LCA5L: variants seen among roughly 807,000 people sequenced by gnomAD.
LCA5L encodes lebercilin LCA5 like.
Under a neutral mutation model 45.4 loss-of-function variants are expected in LCA5L, and 35 were observed. That is an observed-to-expected ratio of 0.77 (90% CI 0.59 to 1.02). The LOEUF is 1.02. Among genes scored for constraint, LCA5L ranks in the 50% least tolerant of loss-of-function variants. LCA5L has a pLI of 0.00. For synonymous variants in LCA5L, 233 were observed against 264.7 expected, an observed-to-expected ratio of 0.88 and a Z score of 1.16; for missense variants, 668 against 761.6, an observed-to-expected ratio of 0.88 and a Z score of 1.45.
At chr21:39,429,666 C>T (rs1376603008) in intron 3 of LCA5L, among the ~76,000 whole-genome samples, 1 of 152,182 alleles carries the variant, frequency 6.6e-6, no homozygotes, top group Non-Finnish European at 1.5e-5. Context: ...CAGACACATT[C>T]TGCTGTGTAG....
chr21:39,440,807 G>T (rs1263207236), intron 2 of LCA5L, among the ~76,000 whole-genome samples: 1 of 152,040 alleles, frequency 6.6e-6, no homozygotes, highest in African/African-American at 2.4e-5. Context: ...CCAAGTTCAG[G>T]GTCTTCCTAT....
chr21:39,420,969 T>C, intron 6 of LCA5L, 126 bp from the exon 7 acceptor site: 1 of 637,848 alleles, frequency 1.6e-6, no homozygotes, highest in East Asian at 2.7e-5. Context: ...GAATGACTTA[T>C]ACAGGGGACA....
chr21:39,424,011 G>A (rs1055982812), intron 5 of LCA5L, among the ~76,000 whole-genome samples: 7 of 151,964 alleles, frequency 4.6e-5, no homozygotes, highest in Admixed American at 3.3e-4. Context: ...TTTTTTAAAT[G>A]TTTATTTTTA....
At chr21:39,406,803 T>G (rs1270989377) in intron 10 of LCA5L, 191 bp from the exon 11 acceptor site, 11 of 494,442 alleles carry the variant, frequency 2.2e-5, no homozygotes, top group African/African-American at 2.2e-4. Flanking sequence ...TGTTACAGTT[T>G]CTTGGAACTT....
At chr21:39,442,257 G>A (rs1293917732) in intron 2 of LCA5L, among the ~76,000 whole-genome samples, 1 of 152,208 alleles carries the variant, frequency 6.6e-6, no homozygotes, top group African/African-American at 2.4e-5. Flanking sequence ...GGTGGGTGGA[G>A]GAGGCCCATG....
intron 3 of LCA5L, among the ~76,000 whole-genome samples, chr21:39,433,053 T>C (rs1480929338): frequency 6.6e-6 from 1 of 152,216 alleles, no homozygotes; most frequent in Admixed American, 6.5e-5. Flanking sequence ...GATTTTTCAT[T>C]CTCTTAAAAA....
intron 7 of LCA5L, among the ~76,000 whole-genome samples, chr21:39,414,492 G>A (rs2040686319): frequency 6.6e-6 from 1 of 152,148 alleles, no homozygotes; most frequent in South Asian, 2.1e-4. Flanking sequence ...CTCAAACTAT[G>A]ACTTTCGTTA....
intron 3 of LCA5L, among the ~76,000 whole-genome samples, chr21:39,431,522 ATTTAT>A (rs1262901837): frequency 6.6e-6 from 1 of 151,520 alleles, no homozygotes; most frequent in Non-Finnish European, 1.5e-5. Flanking sequence ...TACCAATTTT[ATTTAT>A]TTTATTTTTG....
rs768395825 is a variant in LCA5L at position 39,411,767 on chromosome 21, A to G, written c.1011T>C (p.Tyr337=). The change falls in exon 8 of 11, where the codon TAT becomes TAC. Residue 337 remains tyrosine (Y), a synonymous_variant. Transcript: ENST00000288350. The stretch of plus-strand genomic sequence containing the variant: ...GTAAATTTTTAAGTATTCGATGACT[A>G]TAGATGTTTTTAATTTCAAGCTCAC... The part of the protein sequence containing the change: ...KDRELEIKNI[Y]SHRILKNLHD... The G allele has an allele frequency of 4.4e-6, 7 of 1,590,636 alleles. No individual in the cohort carries two copies. Among genetic ancestry groups the G allele is most frequent in the South Asian group, 1.1e-5 (1 of 86,960 alleles).
chr21:39,420,738 C>T lies in LCA5L; in HGVS notation c.943G>A (p.Val315Met), dbSNP rs760290686. The change falls in exon 7 of 11, where the codon GTG becomes ATG. Residue 315 changes from valine to methionine, a missense_variant. Coordinates refer to ENST00000288350, the MANE Select transcript of LCA5L (RefSeq NM_152505.4). ...AAQTATKTLQVEVKHLQQKLK... is the reference protein window; with the variant it reads ...AAQTATKTLQMEVKHLQQKLK... Reference sequence around the variant, plus strand: ...TTTTGTTGAAGGTGTTTTACTTCCACCTGCAGAGTCTTGGTAGCTGTCTGA... The same window carrying T: ...TTTTGTTGAAGGTGTTTTACTTCCATCTGCAGAGTCTTGGTAGCTGTCTGA... 9 of 1,613,152 alleles carry T rather than the reference C, an allele frequency of 5.6e-6. No homozygotes were observed. The South Asian group carries it at 7.7e-5, about 14-fold the overall frequency.
chr21:39,417,182 A>AG lies in LCA5L; in HGVS notation c.975+3523_975+3524insC, dbSNP rs1369096903. The stretch of plus-strand genomic sequence containing the variant: ...TGAGTAGCTGGGATTACAGGCGCGC[A>AG]CCACCACACCTGGCTAATTTTTTTA... On this transcript the variant is annotated intron_variant, in intron 7 of 10. Transcript: ENST00000288350. Among the ~76,000 whole-genome samples, 49 of 152,072 alleles carry AG rather than the reference A, an allele frequency of 3.2e-4. 1 individual carries two copies. Among genetic ancestry groups the AG allele is most frequent in the Admixed American group, 2.6e-3 (40 of 15,272 alleles).
In LCA5L at chr21:39,406,332, T is replaced by C; in HGVS notation, c.1563A>G (p.Arg521=). 1.2e-6 allele frequency: 2 copies of C among 1,614,170 alleles called. No homozygotes were observed. The highest frequency in any genetic ancestry group is 1.7e-6 in the Non-Finnish European group (2 of 1,180,020). ...APYTKGPLRQ[R]RHYSFTEATE... ...TTGCTTCTGTGAATGAGTAATGTCTTCTTTGTCTGAGGGGGCCTTTCGTGT... is the reference window on the plus strand; with the variant it reads ...TTGCTTCTGTGAATGAGTAATGTCTCCTTTGTCTGAGGGGGCCTTTCGTGT... Residue 521 remains arginine (R), a synonymous_variant, in exon 11 of 11, where the codon AGA becomes AGG. Coordinates refer to ENST00000288350, the MANE Select transcript of LCA5L (RefSeq NM_152505.4).
intron 5 of LCA5L, among the ~76,000 whole-genome samples, chr21:39,425,690 C>T (rs114875266): frequency 6.9e-4 from 105 of 152,198 alleles, no homozygotes; most frequent in African/African-American, 2.3e-3. Context: ...CAGGGGTGGG[C>T]GAGGACTGAC....
At chr21:39,417,900 G>A (rs553681960) in intron 7 of LCA5L, among the ~76,000 whole-genome samples, 1 of 152,190 alleles carries the variant, frequency 6.6e-6, no homozygotes, top group African/African-American at 2.4e-5. Flanking sequence ...CAAGTAGCTG[G>A]GACTACAGGT....
intron 2 of LCA5L, among the ~76,000 whole-genome samples, chr21:39,439,224 A>G (rs868806310): frequency 1.3e-5 from 2 of 152,234 alleles, no homozygotes; most frequent in South Asian, 2.1e-4. Context: ...AAGGGGTCAC[A>G]TGCCACAGAA....
At chr21:39,439,166 C>T (rs1334867590) in intron 2 of LCA5L, among the ~76,000 whole-genome samples, 1 of 151,932 alleles carries the variant, frequency 6.6e-6, no homozygotes, top group Non-Finnish European at 1.5e-5. Flanking sequence ...ATCACAGAAG[C>T]AGAGTCAGAG....
intron 7 of LCA5L, among the ~76,000 whole-genome samples, chr21:39,412,326 T>TAGA (rs773147740): frequency 1.4e-4 from 22 of 152,204 alleles, no homozygotes; most frequent in Non-Finnish European, 3.1e-4. Context: ...GGGGGAAGCC[T>TAGA]AGAACAAGGG....
chr21:39,424,985 C>G (rs1329166371), intron 5 of LCA5L, among the ~76,000 whole-genome samples: 1 of 152,178 alleles, frequency 6.6e-6, no homozygotes, highest in Non-Finnish European at 1.5e-5. Flanking sequence ...TGAGACAGAG[C>G]CCATTGTCTA....
Position 39,428,155 on chromosome 21 carries a change from G to A in LCA5L, c.322+17C>T. On this transcript the variant is annotated intron_variant, in intron 5 of 10. Transcript: ENST00000288350. ...ATGACAGAAATTTGGTCTTGCTTGG[G>A]AAATTTTACTCCTTACCTTTAGATT... The A allele has an allele frequency of 6.7e-7, 1 of 1,490,260 alleles. No homozygotes were observed. Among genetic ancestry groups the A allele is most frequent in the South Asian group, 1.3e-5 (1 of 78,654 alleles). 92.3% of individuals were successfully genotyped at this position (1,490,260 alleles called of 1,614,324 possible).
Sources: allele counts gnomAD v4.1 joint callset (sites outside exome capture counted in the v4.1 genomes callset), GRCh38; gene constraint gnomAD v4.1.1; transcripts MANE v1.5; gene names NCBI Gene and HGNC (gene_info 2026-07-23, HGNC 2026-07-21).